The following MED12L variants were observed in gnomAD, a reference collection of about 807,000 sequenced individuals.
MED12L encodes mediator complex subunit 12L, also known as mediator of RNA polymerase II transcription subunit 12-like protein.
Under a neutral mutation model 281.3 loss-of-function variants are expected in MED12L, and 60 were observed. The observed-to-expected ratio is 0.21, with a 90% CI of 0.17 to 0.26. The LOEUF is 0.26. Ranked by LOEUF, MED12L falls within the 10% of genes least tolerant of loss-of-function variation. The pLI is 1.00. For synonymous variants in MED12L, 974 were observed against 987.2 expected (o/e 0.99, Z 0.25); for missense variants, 2,146 against 2,680.9 (o/e 0.80, Z 4.41).
At chr3:151,374,919 T>C (rs1756642709) in intron 27 of MED12L, among the ~76,000 whole-genome samples, 1 of 152,214 alleles carries the variant, frequency 6.6e-6, no homozygotes, top group African/African-American at 2.4e-5. Context: ...TATATTTGTT[T>C]TAAAAGTTCT....
Position 151,388,050 on chromosome 3 carries a change from C to G in MED12L, c.5329C>G (p.Pro1777Ala). The G allele has an allele frequency of 6.2e-7, 1 of 1,614,052 alleles. No individual in the cohort carries two copies. ...PEEEEEEPTS[P>A]VSQEPERKSA... The stretch of plus-strand genomic sequence containing the variant: ...GGAGGAAGAGGAAGAGCCCACATCT[C>G]CAGTTTCTCAGGAACCAGAAAGGAA... The change falls in exon 37 of 45, where the codon CCA becomes GCA. Residue 1777 changes from proline to alanine, a missense_variant. Pro to Ala is a conservative substitution (Grantham distance 27). This residue lies in a region of MED12L where 496 missense variants were observed against 512.0 expected (regional missense o/e 0.97). Transcript: ENST00000687756.
chr3:151,417,525 A>G (rs1717755236), intron 43 of MED12L, among the ~76,000 whole-genome samples: 1 of 112,630 alleles, frequency 8.9e-6, no homozygotes. Context: ...ATCTCACTCG[A>G]TCACTCAAGC....
At chr3:151,098,357 T>A (rs1720987837) in intron 2 of MED12L, among the ~76,000 whole-genome samples, 1 of 152,196 alleles carries the variant, frequency 6.6e-6, no homozygotes, top group South Asian at 2.1e-4. Context: ...GGGGCTGCCA[T>A]AACAAATGAC....
intron 2 of MED12L, among the ~76,000 whole-genome samples, chr3:151,103,917 A>G (rs1721691221): frequency 6.6e-6 from 1 of 152,286 alleles, no homozygotes; most frequent in Non-Finnish European, 1.5e-5. Context: ...TCACCCTATA[A>G]AATGGGACAC....
At chr3:151,236,633 C>T (rs1160825218) in intron 16 of MED12L, among the ~76,000 whole-genome samples, 1 of 152,084 alleles carries the variant, frequency 6.6e-6, no homozygotes, top group African/African-American at 2.4e-5. Context: ...TTTCACTTTT[C>T]CTGTTTTACA....
chr3:151,407,815 A>G (rs1486131226), intron 39 of MED12L, among the ~76,000 whole-genome samples: 1 of 152,202 alleles, frequency 6.6e-6, no homozygotes, highest in Non-Finnish European at 1.5e-5. Context: ...ATTCATGTGT[A>G]GATAGATAGT....
chr3:151,123,390 C>T (rs1714049486), intron 4 of MED12L, among the ~76,000 whole-genome samples: 1 of 152,186 alleles, frequency 6.6e-6, no homozygotes, highest in Non-Finnish European at 1.5e-5. Flanking sequence ...CTCCTTCCTA[C>T]CAAGCAAGAT....
At chr3:151,187,782 T>C (rs1344623248) in intron 12 of MED12L, among the ~76,000 whole-genome samples, 2 of 152,236 alleles carry the variant, frequency 1.3e-5, no homozygotes, top group Non-Finnish European at 2.9e-5. Context: ...GCCTTCTCAT[T>C]TGATACCATG....
chr3:151,200,765 ATAAT>A (rs1194457767), intron 16 of MED12L: 2 of 152,264 alleles, frequency 1.3e-5, no homozygotes, highest in Non-Finnish European at 2.9e-5. Context: ...CTCGATGAAA[ATAAT>A]TAAGCAGTTG....
chr3:151,416,225 T>C, intron 42 of MED12L, 87 bp from the exon 43 acceptor site: 1 of 1,607,358 alleles, frequency 6.2e-7, no homozygotes, highest in Non-Finnish European at 8.5e-7. Context: ...ACATAAAAAT[T>C]AGATAAAAGG....
chr3:151,261,087 G>C (rs1022548790), intron 16 of MED12L, among the ~76,000 whole-genome samples: 1 of 152,172 alleles, frequency 6.6e-6, no homozygotes, highest in Non-Finnish European at 1.5e-5. Flanking sequence ...GAAGCATCTT[G>C]ATTTTCAGGG....
At chr3:151,192,381 C>T (rs1724104228) in intron 14 of MED12L, among the ~76,000 whole-genome samples, 169 bp from the exon 15 acceptor site, 1 of 152,160 alleles carries the variant, frequency 6.6e-6, no homozygotes, top group Admixed American at 6.5e-5. Flanking sequence ...AAGAATGTGA[C>T]TGTTCATAGC....
intron 16 of MED12L, among the ~76,000 whole-genome samples, chr3:151,210,056 G>T (rs998854109): frequency 3.3e-5 from 5 of 152,104 alleles, no homozygotes; most frequent in Admixed American, 3.3e-4. Flanking sequence ...CAACTCATAG[G>T]GTGCTTTAGG....
chr3:151,400,331 TAGAC>T lies in MED12L; in HGVS notation c.5820+5468_5820+5471del, dbSNP rs536539947. Among the ~76,000 whole-genome samples the T allele has an allele frequency of 3.9e-3, 592 of 152,326 alleles. 4 individuals carry two copies. Among genetic ancestry groups the T allele is most frequent in the Non-Finnish European group, 6.1e-3 (412 of 68,018 alleles). On this transcript the variant is annotated intron_variant, in intron 39 of 44. Coordinates refer to ENST00000687756, the MANE Select transcript of MED12L (RefSeq NM_001393769.1). ...ATATTTTCAAGAGTCCAAAGAAGGATAGACAGAAGATATGTTTAGCTTGAATTGA... is the reference window on the plus strand; with the variant it reads ...ATATTTTCAAGAGTCCAAAGAAGGATAGAAGATATGTTTAGCTTGAATTGA...
chr3:151,254,873 T>C (rs976173828), intron 16 of MED12L, among the ~76,000 whole-genome samples: 8 of 152,220 alleles, frequency 5.3e-5, no homozygotes, highest in Non-Finnish European at 7.3e-5. Context: ...ATACATGATA[T>C]ATATACACAC....
At chr3:151,104,139 TG>T (rs1721723277) in intron 2 of MED12L, among the ~76,000 whole-genome samples, 1 of 152,078 alleles carries the variant, frequency 6.6e-6, no homozygotes, top group African/African-American at 2.4e-5. Context: ...GTGATTTGGA[TG>T]GGGGTGAATG....
intron 16 of MED12L, among the ~76,000 whole-genome samples, chr3:151,303,417 G>T (rs1232175885): frequency 6.6e-6 from 1 of 152,080 alleles, no homozygotes; most frequent in Non-Finnish European, 1.5e-5. Context: ...AAGGCCAATA[G>T]AAAATAGGTG....
intron 2 of MED12L, among the ~76,000 whole-genome samples, chr3:151,099,357 T>G (rs944442965): frequency 6.6e-6 from 1 of 152,204 alleles, no homozygotes; most frequent in African/African-American, 2.4e-5. Context: ...AGGTTACATC[T>G]CTCAATAATT....
intron 16 of MED12L, chr3:151,199,242 C>T (rs769805677): frequency 1.2e-6 from 2 of 1,614,028 alleles, no homozygotes; most frequent in Non-Finnish European, 1.7e-6. Flanking sequence ...TAGATGCTCA[C>T]ACACCTGTGA....
Sources: gnomAD v4.1 joint callset for allele counts (sites outside exome capture counted in the v4.1 genomes callset) on GRCh38, gnomAD v4.1.1 for gene constraint, gnomAD v4.1.1 regional missense constraint, MANE v1.5 for transcripts, NCBI Gene and HGNC (gene_info 2026-07-23, HGNC 2026-07-21) for gene names.